Variants in RNF146 observed in about 807,000 individuals in gnomAD.
RNF146 encodes ring finger protein 146.
RNF146 carries 11 observed loss-of-function variants against 29.7 expected under a neutral mutation model. That is an observed-to-expected ratio of 0.37 (90% confidence interval 0.23 to 0.61). The LOEUF (loss-of-function observed/expected upper bound fraction) is 0.61. RNF146 is among the 20% of genes least tolerant of loss of function. The pLI is 0.66. For missense variants in RNF146, 342 were observed against 438.9 expected, an observed-to-expected ratio of 0.78 and a Z score of 1.97; for synonymous variants, 150 against 159.7, an observed-to-expected ratio of 0.94 and a Z score of 0.46.
At chr6:127,285,284 T>C (rs1287792748) in intron 2 of RNF146, 1 of 984,702 alleles carries the variant, frequency 1.0e-6, no homozygotes, top group African/African-American at 1.8e-5. Flanking sequence ...AAAAAAAGGA[T>C]TGTTTGAAGA....
At chr6:127,273,496 C>CT (rs1562280706) in intron 1 of RNF146, among the ~76,000 whole-genome samples, 1 of 151,408 alleles carries the variant, frequency 6.6e-6, no homozygotes, top group Admixed American at 6.6e-5. Context: ...TTTTCTTTTC[C>CT]TTTTTTTGAT....
Position 127,280,279 on chromosome 6 carries a change from A to G in RNF146, c.-60A>G. ...AAGAGAAAATACTGTAAGCTGGCTG[A>G]CTGCTGGTGAAGAAAATGCTTTATT... is the stretch of plus-strand genomic sequence containing the variant. On this transcript the variant is annotated 5_prime_UTR_variant, in exon 2 of 3. Transcript: ENST00000368314. The G allele has an allele frequency of 1.3e-6, 2 of 1,530,304 alleles. No individual in the cohort carries two copies. Among genetic ancestry groups the G allele is most frequent in the East Asian group, 2.5e-5 (1 of 40,710 alleles). The allele number at this position is 1,530,304 out of a possible 1,614,324, so 94.8% of individuals were successfully genotyped here.
At chr6:127,278,135 T>G (rs1778476696) in intron 1 of RNF146, among the ~76,000 whole-genome samples, 1 of 152,078 alleles carries the variant, frequency 6.6e-6, no homozygotes, top group South Asian at 2.1e-4. Context: ...TGTTCTTGAT[T>G]ATTCTGTGTA....
chr6:127,277,608 G>A (rs956276314), intron 1 of RNF146, among the ~76,000 whole-genome samples: 3 of 152,066 alleles, frequency 2.0e-5, no homozygotes, highest in African/African-American at 7.2e-5. Flanking sequence ...CTTGGAGTCT[G>A]ATGTTCGAGG....
chr6:127,280,508 TA>T, intron 2 of RNF146, 168 bp downstream of exon 2: 1 of 1,266,596 alleles, frequency 7.9e-7, no homozygotes, highest in Non-Finnish European at 1.0e-6. Context: ...AAGTTATCGT[TA>T]ATGTAGATTT....
Position 127,286,877 on chromosome 6 carries a change from G to C in RNF146, c.264G>C (p.Leu88Phe), listed in dbSNP as rs1419834773. ...IPEDFLDKPTLLSPEELKAAS... is the reference protein window; with the variant it reads ...IPEDFLDKPTFLSPEELKAAS... Reference sequence around the variant, plus strand: ...AGGATTTCCTTGACAAGCCAACCTTGTTGTCACCAGAAGAACTCAAGGCAG... The same window carrying C: ...AGGATTTCCTTGACAAGCCAACCTTCTTGTCACCAGAAGAACTCAAGGCAG... The change falls in exon 3 of 3, where the codon TTG becomes TTC. Residue 88 changes from leucine (L) to phenylalanine (F), a missense_variant. Physicochemically the swap from Leu to Phe is conservative, Grantham distance 22. This residue lies in a region of RNF146 where 50 missense variants were observed against 54.9 expected (regional missense o/e 0.91). Coordinates refer to ENST00000368314, the MANE Select transcript of RNF146 (RefSeq NM_001242850.2). This position sits in a 1 kb window ranked among gnomAD's most constrained non-coding sequence, Gnocchi z 4.6. 6.2e-7 allele frequency: 1 copy of C among 1,613,206 alleles called. No homozygotes were observed.
At position 127,279,272 on chromosome 6, in the gene RNF146, G is replaced by T. The variant is rs181080404; in HGVS notation, c.-108-959G>T. 5.9e-5 allele frequency among the ~76,000 whole-genome samples: 9 copies of T among 151,862 alleles called. 1 individual carries two copies. The East Asian group carries it at 1.8e-3, about 30-fold the overall frequency. Reference sequence around the variant, plus strand: ...TTTTATTTCTTATATTTAGGTTATTGATTCATTCTGAGTTAACTTTTATAT... The same window carrying T: ...TTTTATTTCTTATATTTAGGTTATTTATTCATTCTGAGTTAACTTTTATAT... On this transcript the variant is annotated intron_variant, in intron 1 of 2. Transcript: ENST00000368314.
intron 2 of RNF146, among the ~76,000 whole-genome samples, chr6:127,281,894 G>A (rs1206532757): frequency 6.6e-6 from 1 of 151,502 alleles, no homozygotes; most frequent in Non-Finnish European, 1.5e-5. Flanking sequence ...ATAATGATAA[G>A]ACAGTAAAGG....
At position 127,268,956 on chromosome 6, in the gene RNF146, A is replaced by G. The variant is rs560644253; in HGVS notation, c.-109+2031A>G. On this transcript the variant is annotated intron_variant, in intron 1 of 2. Transcript: ENST00000368314. ...CGATCTTTTTAAAGAATATTATTTT[A>G]TATGTTAACCATATACTACCAGGAA... Among the ~76,000 whole-genome samples the G allele has an allele frequency of 2.0e-4, 31 of 152,276 alleles. No individual in the cohort carries two copies. The South Asian group carries it at 4.4e-3, about 21-fold the overall frequency.
At chr6:127,269,821 A>T (rs1003784019) in intron 1 of RNF146, among the ~76,000 whole-genome samples, 2 of 152,178 alleles carry the variant, frequency 1.3e-5, no homozygotes, top group African/African-American at 4.8e-5. Context: ...TTGTGTACCA[A>T]AAGTTGGAAC....
Position 127,287,677 on chromosome 6 carries a change from C to T in RNF146, c.1064C>T (p.Thr355Ile). 3.2e-6 allele frequency: 5 copies of T among 1,568,632 alleles called. No individual in the cohort carries two copies. Among genetic ancestry groups the T allele is most frequent in the Non-Finnish European group, 4.3e-6 (5 of 1,156,278 alleles). ...TCTAGAAGGCCTGATGGACAGTGCA[C>T]AGTAACTGAAGTTTAAATAAAAATG... ...VRSRRPDGQCTVTEV is the reference protein window; with the variant it reads ...VRSRRPDGQCIVTEV The change falls in exon 3 of 3, where the codon ACA becomes ATA. Residue 355 changes from threonine (T) to isoleucine (I), a missense_variant. Coordinates refer to ENST00000368314, the MANE Select transcript of RNF146 (RefSeq NM_001242850.2).
At chr6:127,275,719 T>C (rs532867758) in intron 1 of RNF146, among the ~76,000 whole-genome samples, 109 of 152,068 alleles carry the variant, frequency 7.2e-4, no homozygotes, top group Non-Finnish European at 1.5e-3. Context: ...GAGATAACCA[T>C]TTCTGTGTAA....
Position 127,286,565 on chromosome 6 carries a change from A to G in RNF146, c.3-51A>G. 1 of 1,473,662 alleles carries G rather than the reference A, an allele frequency of 6.8e-7. No individual in the cohort carries two copies. The highest frequency in any genetic ancestry group is 9.2e-7 in the Non-Finnish European group (1 of 1,085,556). The allele number at this position is 1,473,662 out of a possible 1,614,324, so 91.3% of individuals were successfully genotyped here. ...GTGTTTTCATAATTGTTAAATTAAG[A>G]TATTGCAAGAATTAAAACATGACTT... On this transcript the variant is annotated intron_variant, in intron 2 of 2. Transcript: ENST00000368314. The surrounding 1 kb of genome is among the most constrained non-coding windows in gnomAD (Gnocchi z 4.6).
intron 1 of RNF146, among the ~76,000 whole-genome samples, chr6:127,275,188 G>GTT (rs1778031207): frequency 6.6e-6 from 1 of 151,996 alleles, no homozygotes; most frequent in Non-Finnish European, 1.5e-5. Flanking sequence ...ACCCATCTTG[G>GTT]TTTATGCTTA....
intron 1 of RNF146, among the ~76,000 whole-genome samples, chr6:127,279,774 GT>G (rs1173591259): frequency 1.3e-5 from 2 of 151,728 alleles, no homozygotes; most frequent in Non-Finnish European, 2.9e-5. Context: ...ATGCTTTATA[GT>G]TTTCTGTGTA....
At chr6:127,271,971 A>C (rs182335764) in intron 1 of RNF146, among the ~76,000 whole-genome samples, 124 of 152,274 alleles carry the variant, frequency 8.1e-4, no homozygotes, top group African/African-American at 2.9e-3. Context: ...TAATGTGGCT[A>C]ATAGAAAATT....
chr6:127,272,143 C>A (rs1485090567), intron 1 of RNF146, among the ~76,000 whole-genome samples: 1 of 152,158 alleles, frequency 6.6e-6, no homozygotes, highest in Non-Finnish European at 1.5e-5. Flanking sequence ...CATTTAACTT[C>A]CTGAGCTTAG....
At chr6:127,271,192 A>G (rs1176414093) in intron 1 of RNF146, among the ~76,000 whole-genome samples, 1 of 152,156 alleles carries the variant, frequency 6.6e-6, no homozygotes. Context: ...CATACAAAAC[A>G]TATATTAATC....
At chr6:127,282,924 A>G (rs948151303) in intron 2 of RNF146, among the ~76,000 whole-genome samples, 3 of 151,810 alleles carry the variant, frequency 2.0e-5, no homozygotes, top group Non-Finnish European at 4.4e-5. Flanking sequence ...GACTTTAAAA[A>G]TCTGATTTTT....
Sources: gnomAD v4.1 joint callset for allele counts (sites outside exome capture counted in the v4.1 genomes callset) on GRCh38, gnomAD v4.1.1 for gene constraint, gnomAD v4.1.1 regional missense constraint, Gnocchi (gnomAD v3.1) non-coding constraint, MANE v1.5 for transcripts, NCBI Gene and HGNC (gene_info 2026-07-23, HGNC 2026-07-21) for gene names.